Variants in CFAP47 observed in about 807,000 individuals in gnomAD.
CFAP47 encodes cilia- and flagella-associated protein 47.
Under a neutral mutation model 148.1 loss-of-function variants are expected in CFAP47, and 29 were observed. That is an observed-to-expected ratio of 0.20 (90% CI 0.15 to 0.27). The LOEUF (loss-of-function observed/expected upper bound fraction) is 0.27. Among genes scored for constraint, CFAP47 ranks in the 10% least tolerant of loss-of-function variants. CFAP47 has a pLI of 1.00. For missense variants in CFAP47, 1,872 were observed against 1,697.5 expected (o/e 1.10, Z -1.81); for synonymous variants, 664 against 577.3 (o/e 1.15, Z -2.15).
rs201085792 is a variant in CFAP47, at chrX:35,999,339, C to CA, written c.3178-944_3178-943insA. Among the ~76,000 whole-genome samples the CA allele has an allele frequency of 4.9e-3, 552 of 111,908 alleles. 2 individuals carry two copies. The highest frequency in any genetic ancestry group is 0.017 in the African/African-American group (514 of 30,822). ...TTAAATGTTGTATGTAATTCTATCA[C>CA]TAAGAAACTCCATGGTATTTTAGTA... On this transcript the variant is annotated intron_variant, in intron 19 of 63. Coordinates refer to ENST00000378653, the MANE Select transcript of CFAP47 (RefSeq NM_001304548.2).
chrX:35,941,218 A>G (rs1936003545), intron 2 of CFAP47, 65 bp from the exon 3 acceptor site: 1 of 584,155 alleles, frequency 1.7e-6, no homozygotes, highest in Non-Finnish European at 2.8e-6. Flanking sequence ...ATTCCCCTAC[A>G]TATTTAGCTA....
At chrX:36,366,898 G>C (rs782593200) in intron 61 of CFAP47, 68 bp from the exon 62 acceptor site, 3 of 696,299 alleles carry the variant, frequency 4.3e-6, no homozygotes, top group South Asian at 1.1e-4. Context: ...CCTTAGTTTA[G>C]TTTGCTATAT....
chrX:35,955,877 T>A, intron 7 of CFAP47, 84 bp from the exon 8 acceptor site: 8 of 1,147,142 alleles, frequency 7.0e-6, no homozygotes, highest in Non-Finnish European at 9.3e-6. Flanking sequence ...GCATTAGGTA[T>A]TTCAGACAAC....
intron 33 of CFAP47, among the ~76,000 whole-genome samples, chrX:36,136,338 A>G (rs913765307): frequency 3.6e-5 from 4 of 109,684 alleles, no homozygotes; most frequent in Non-Finnish European, 5.7e-5. Flanking sequence ...TCCCTCCTCT[A>G]ATGTCTGTAC....
chrX:36,121,039 G>A (rs1274737919), intron 33 of CFAP47, among the ~76,000 whole-genome samples: 1 of 111,452 alleles, frequency 9.0e-6, no homozygotes, highest in Non-Finnish European at 1.9e-5. Flanking sequence ...ATATCTGGGT[G>A]CTCTAGTGTT....
intron 24 of CFAP47, among the ~76,000 whole-genome samples, chrX:36,036,180 T>C (rs1324468990): frequency 1.8e-5 from 2 of 110,853 alleles, no homozygotes; most frequent in African/African-American, 6.6e-5. Context: ...TAACTGAAAG[T>C]TTGTACCCTT....
intron 46 of CFAP47, among the ~76,000 whole-genome samples, chrX:36,230,309 G>T (rs1357601267): frequency 1.9e-5 from 2 of 107,272 alleles, no homozygotes; most frequent in Admixed American, 1.0e-4. Flanking sequence ...ATTCTAACTG[G>T]TGTGAGATGG....
At chrX:35,988,334 A>G (rs981299387) in intron 15 of CFAP47, among the ~76,000 whole-genome samples, 8 of 111,998 alleles carry the variant, frequency 7.1e-5, no homozygotes, top group Non-Finnish European at 1.3e-4. Flanking sequence ...GATTAAGCTG[A>G]TGGCACTTCC....
At chrX:36,239,214 G>T (rs183011776) in intron 48 of CFAP47, among the ~76,000 whole-genome samples, 164 of 112,302 alleles carry the variant, frequency 1.5e-3, no homozygotes, top group Non-Finnish European at 2.0e-3. Context: ...CGAAGGTGAA[G>T]CAAGAAGGTT....
At chrX:36,336,244 GACACACAC>G (rs781925226) in intron 57 of CFAP47, among the ~76,000 whole-genome samples, 6,514 of 65,509 alleles carry the variant, frequency 0.099, 203 homozygotes, top group Middle Eastern at 0.14. Flanking sequence ...CAGACACACA[GACACACAC>G]ACACACACAC....
At chrX:36,070,496 CTTT>C (rs34621358) in intron 27 of CFAP47, among the ~76,000 whole-genome samples, 5 of 91,203 alleles carry the variant, frequency 5.5e-5, no homozygotes, top group Admixed American at 1.2e-4. Flanking sequence ...TTTTCTTTTC[CTTT>C]TTTTTTTTTT....
intron 39 of CFAP47, among the ~76,000 whole-genome samples, chrX:36,172,815 A>C (rs1939604011): frequency 8.9e-6 from 1 of 111,855 alleles, no homozygotes; most frequent in Non-Finnish European, 1.9e-5. Flanking sequence ...TGGCCTCATA[A>C]AATGAGTTAG....
chrX:36,384,739 T>C, intron 63 of CFAP47, 58 bp from the exon 64 acceptor site: 2 of 889,598 alleles, frequency 2.2e-6, no homozygotes, highest in African/African-American at 4.0e-5. Context: ...AACTTTTCCC[T>C]ACATGTTTTG....
chrX:36,381,574 T>C (rs1291340521), intron 63 of CFAP47, among the ~76,000 whole-genome samples: 1 of 111,127 alleles, frequency 9.0e-6, no homozygotes, highest in Admixed American at 9.7e-5. Flanking sequence ...AAATCAAATT[T>C]AAAATTGTTA....
rs1940471406 is a variant in CFAP47, at chrX:36,236,714, A to G, written c.7187A>G (p.Asp2396Gly). The G allele has an allele frequency of 3.8e-6, 2 of 523,909 alleles. No individual in the cohort carries two copies. Among genetic ancestry groups the G allele is most frequent in the Non-Finnish European group, 3.5e-6 (1 of 286,610 alleles). The allele number at this position is 523,909 out of a possible 1,213,427, so 43.2% of individuals were successfully genotyped here. Residue 2396 changes from aspartate (D) to glycine (G), a missense_variant, in exon 48 of 64, where the codon GAT becomes GGT. By Grantham distance (94) the Asp-to-Gly change is moderately conservative (BLOSUM62 -1). Transcript: ENST00000378653. Reference sequence around the variant, plus strand: ...AAACTTATTCTACAAAATGAAGTAGATGGTAGGGAGCACATCTTTGACATA... The same window carrying G: ...AAACTTATTCTACAAAATGAAGTAGGTGGTAGGGAGCACATCTTTGACATA... The part of the protein sequence containing the change: ...TGKLILQNEV[D>G]GREHIFDIKG...
chrX:36,307,849 GACTA>G (rs1411236959), intron 55 of CFAP47, among the ~76,000 whole-genome samples: 5 of 111,074 alleles, frequency 4.5e-5, no homozygotes, highest in African/African-American at 6.5e-5. Context: ...ATATGGTAAT[GACTA>G]ACTAACACTT....
Position 36,363,103 on chromosome X carries a change from T to G in CFAP47, c.9023+1602T>G, listed in dbSNP as rs6632590. Among the ~76,000 whole-genome samples, 545 of 111,733 alleles carry G rather than the reference T, an allele frequency of 4.9e-3. 5 individuals are homozygous for G. The highest frequency in any genetic ancestry group is 0.016 in the African/African-American group (496 of 30,835). On this transcript the variant is annotated intron_variant, in intron 61 of 63. Coordinates refer to ENST00000378653, the MANE Select transcript of CFAP47 (RefSeq NM_001304548.2). ...TTGAGAGACTAATTTAGGGCAAAAT[T>G]TTTTGATGATTGATAAATTTCTGTG... is the stretch of plus-strand genomic sequence containing the variant.
intron 30 of CFAP47, among the ~76,000 whole-genome samples, chrX:36,092,157 A>G (rs188210625): frequency 1.8e-5 from 2 of 111,801 alleles, no homozygotes; most frequent in African/African-American, 6.5e-5. Context: ...ATGTACATAC[A>G]TAGGCTTTAA....
intron 33 of CFAP47, among the ~76,000 whole-genome samples, chrX:36,137,550 TAAAG>T (rs1269395364): frequency 9.0e-6 from 1 of 110,890 alleles, no homozygotes; most frequent in Non-Finnish European, 1.9e-5. Context: ...CTGCAAGAAA[TAAAG>T]AAACTGGCAC....
Sources: allele counts gnomAD v4.1 joint callset (sites outside exome capture counted in the v4.1 genomes callset), GRCh38; gene constraint gnomAD v4.1.1; transcripts MANE v1.5; gene names NCBI Gene and HGNC (gene_info 2026-07-23, HGNC 2026-07-21).